IGSF11: variants seen among roughly 807,000 people sequenced by gnomAD.
IGSF11 encodes the protein immunoglobulin superfamily member 11.
A neutral mutation model predicts 41.0 loss-of-function variants in IGSF11; 22 were observed. The ratio of observed to expected loss-of-function variants is 0.54; its 90% CI spans 0.38 to 0.77. IGSF11 has a LOEUF of 0.77. Ranked by LOEUF, IGSF11 falls within the 30% of genes least tolerant of loss-of-function variation. IGSF11 has a pLI of 0.00. For missense variants in IGSF11, 444 were observed against 530.8 expected (o/e 0.84, Z 1.61); for synonymous variants, 219 against 201.3 (o/e 1.09, Z -0.74).
intron 1 of IGSF11, among the ~76,000 whole-genome samples, chr3:119,046,462 T>C (rs941190895): frequency 1.3e-4 from 19 of 151,922 alleles, no homozygotes; most frequent in Admixed American, 4.6e-4. Flanking sequence ...TAAAAAGAAA[T>C]GAGCAAAGCC....
chr3:118,978,024 G>A (rs1026518822), intron 1 of IGSF11, among the ~76,000 whole-genome samples: 4 of 152,082 alleles, frequency 2.6e-5, no homozygotes, highest in African/African-American at 4.8e-5. Flanking sequence ...ACTGCTGTGG[G>A]CTGAGGTGCA....
At chr3:119,107,684 A>T (rs1213222060), upstream of IGSF11, among the ~76,000 whole-genome samples, 8 of 151,844 alleles carry the variant, frequency 5.3e-5, no homozygotes, top group South Asian at 2.1e-4. Context: ...CTGAATGGTA[A>T]TGCCTAGGTT....
intron 1 of IGSF11, among the ~76,000 whole-genome samples, chr3:119,080,649 C>T (rs2076572026): frequency 6.6e-6 from 1 of 152,120 alleles, no homozygotes; most frequent in Non-Finnish European, 1.5e-5. Flanking sequence ...ACAGGGAAGT[C>T]TATGTAAATG....
intron 1 of IGSF11, among the ~76,000 whole-genome samples, chr3:118,977,355 G>A (rs909421505): frequency 6.6e-6 from 1 of 152,088 alleles, no homozygotes; most frequent in African/African-American, 2.4e-5. Flanking sequence ...ATTCCTCAGT[G>A]CCCCACACTA....
chr3:118,911,089 T>C (rs965243417), intron 4 of IGSF11, among the ~76,000 whole-genome samples: 1 of 152,080 alleles, frequency 6.6e-6, no homozygotes, highest in South Asian at 2.1e-4. Flanking sequence ...TCTGAAGCAG[T>C]TGCAGAGTAA....
chr3:118,987,730 C>G (rs1014986648), intron 1 of IGSF11, among the ~76,000 whole-genome samples: 1 of 152,238 alleles, frequency 6.6e-6, no homozygotes, highest in African/African-American at 2.4e-5. Flanking sequence ...CTTGGCAGGG[C>G]TGGACAGTCT....
At chr3:119,017,315 G>A (rs941878935) in intron 1 of IGSF11, among the ~76,000 whole-genome samples, 2 of 151,532 alleles carry the variant, frequency 1.3e-5, no homozygotes, top group Non-Finnish European at 2.9e-5. Flanking sequence ...ATATGGTGGA[G>A]CATCTACACT....
upstream of IGSF11, among the ~76,000 whole-genome samples, chr3:119,109,894 G>A (rs1046528391): frequency 1.3e-5 from 2 of 152,126 alleles, no homozygotes; most frequent in African/African-American, 2.4e-5. Context: ...ATGTAGTTGA[G>A]CGGTTTTGAG....
chr3:119,061,187 A>G (rs1267327635), intron 1 of IGSF11, among the ~76,000 whole-genome samples: 1 of 152,180 alleles, frequency 6.6e-6, no homozygotes, highest in East Asian at 1.9e-4. Flanking sequence ...CAAAATCCAC[A>G]TATTAATACC....
chr3:118,974,198 C>T (rs982919039), intron 1 of IGSF11, among the ~76,000 whole-genome samples: 1 of 151,824 alleles, frequency 6.6e-6, no homozygotes, highest in Non-Finnish European at 1.5e-5. Context: ...TTCAGGTGAC[C>T]TTGAACGTCA....
intron 1 of IGSF11, among the ~76,000 whole-genome samples, chr3:119,029,666 C>A (rs911361440): frequency 1.4e-4 from 22 of 152,148 alleles, no homozygotes; most frequent in African/African-American, 5.3e-4. Context: ...ATGAGTGTGA[C>A]TGCTGTGAAC....
At chr3:118,903,760 A>G (rs1478155103) in intron 6 of IGSF11, among the ~76,000 whole-genome samples, 1 of 152,220 alleles carries the variant, frequency 6.6e-6, no homozygotes, top group Non-Finnish European at 1.5e-5. Context: ...TAAGAAACCT[A>G]TAGTCAATGA....
At chr3:119,131,069 G>A (rs1222018444) in intron 1 of IGSF11, among the ~76,000 whole-genome samples, 12 of 152,098 alleles carry the variant, frequency 7.9e-5, no homozygotes, top group Admixed American at 7.9e-4. Context: ...AAGACCAAAG[G>A]TAGATAAAAC....
rs991896158 is a variant in IGSF11, at chr3:119,048,949, C to A, written c.49+56195G>T. ...AAGGCCTTTGACAAAATTCAACAGC[C>A]CTTCATGGTAAAAACTCTCAATAAA... is the stretch of plus-strand genomic sequence containing the variant. On this transcript the variant is annotated intron_variant, in intron 1 of 6. Coordinates refer to the IGSF11 transcript ENST00000354673. 2.7e-4 allele frequency among the ~76,000 whole-genome samples: 41 copies of A among 152,208 alleles called. No individual in the cohort carries two copies. The East Asian group carries it at 7.5e-3, about 28-fold the overall frequency.
intron 1 of IGSF11, among the ~76,000 whole-genome samples, chr3:119,144,688 TA>T (rs1002524184): frequency 1.3e-5 from 2 of 151,874 alleles, no homozygotes; most frequent in African/African-American, 4.8e-5. Flanking sequence ...CAGCTACATT[TA>T]AAAAAAAGAT....
chr3:118,928,467 G>A (rs780420602), intron 3 of IGSF11, 42 bp downstream of exon 3: 8 of 1,510,710 alleles, frequency 5.3e-6, no homozygotes, highest in Non-Finnish European at 4.6e-6. Flanking sequence ...GAGTAGCTTC[G>A]TGAGTAAAGC....
At chr3:118,952,188 A>G (rs1368475270) in intron 1 of IGSF11, among the ~76,000 whole-genome samples, 1 of 152,194 alleles carries the variant, frequency 6.6e-6, no homozygotes, top group East Asian at 1.9e-4. Flanking sequence ...CTGAGCCTTC[A>G]GTGAGTCATC....
intron 1 of IGSF11, among the ~76,000 whole-genome samples, chr3:118,946,269 T>TG (rs917139246): frequency 1.5e-5 from 2 of 136,660 alleles, no homozygotes; most frequent in African/African-American, 6.3e-5. Context: ...AATTCAGTAA[T>TG]GTTTTTTTAA....
At chr3:119,114,146 A>G (rs1187975050) in intron 1 of IGSF11, among the ~76,000 whole-genome samples, 1 of 152,210 alleles carries the variant, frequency 6.6e-6, no homozygotes, top group Non-Finnish European at 1.5e-5. Flanking sequence ...CTGCAAAGGT[A>G]TCTAAAATGC....
Sources: gnomAD v4.1 joint callset for allele counts (sites outside exome capture counted in the v4.1 genomes callset) on GRCh38, gnomAD v4.1.1 for gene constraint, MANE v1.5 for transcripts, NCBI Gene and HGNC (gene_info 2026-07-23, HGNC 2026-07-21) for gene names.